The following ACSL3 variants were observed in gnomAD, a reference collection of about 807,000 sequenced individuals.
ACSL3 encodes fatty acid CoA ligase Acsl3.
Under a neutral mutation model 84.7 loss-of-function variants are expected in ACSL3, and 34 were observed. The ratio of observed to expected loss-of-function variants is 0.40; its 90% CI spans 0.31 to 0.53. The LOEUF is 0.53. ACSL3 is among the 20% of genes least tolerant of loss of function. ACSL3 has a pLI of 0.48. For synonymous variants in ACSL3, 315 were observed against 299.4 expected (o/e 1.05, Z -0.54); for missense variants, 680 against 873.1 (o/e 0.78, Z 2.79).
chr2:222,895,473 T>TAGAGCTCTTTCTACTTACTG (rs1574533836), intron 2 of ACSL3, among the ~76,000 whole-genome samples: 1 of 14,736 alleles, frequency 6.8e-5, no homozygotes, highest in Admixed American at 6.8e-4. Context: ...CTTTGTTCTT[T>TAGAGCTCTTTCTACTTACTG]TTTTTTTTTT....
At chr2:222,928,993 T>C in intron 13 of ACSL3, 57 bp downstream of exon 13, 2 of 1,416,324 alleles carry the variant, frequency 1.4e-6, no homozygotes, top group Non-Finnish European at 9.9e-7. Flanking sequence ...ACTTGAAAAT[T>C]AGTGCTTCAC....
intron 2 of ACSL3, among the ~76,000 whole-genome samples, chr2:222,893,799 C>T (rs1003285171): frequency 2.0e-4 from 31 of 151,932 alleles, no homozygotes; most frequent in Non-Finnish European, 4.4e-4. Context: ...CTCTTCTCAC[C>T]TCACAGGGTT....
chr2:222,864,327 C>G (rs1047631531), intron 1 of ACSL3, among the ~76,000 whole-genome samples: 1 of 151,848 alleles, frequency 6.6e-6, no homozygotes, highest in African/African-American at 2.4e-5. Flanking sequence ...TTTTGAAGAC[C>G]TCCATGTAGA....
chr2:222,927,786 T>G (rs978586352), intron 12 of ACSL3, among the ~76,000 whole-genome samples: 1 of 152,232 alleles, frequency 6.6e-6, no homozygotes, highest in Admixed American at 6.5e-5. Flanking sequence ...ACAGCTGTGC[T>G]TCTCCTACTT....
chr2:222,903,940 G>GGTT (rs1696222980), intron 3 of ACSL3, among the ~76,000 whole-genome samples: 1 of 44,466 alleles, frequency 2.2e-5, no homozygotes, highest in Non-Finnish European at 3.7e-5. Flanking sequence ...TCCCTGAATA[G>GGTT]TTAAAAAAAA....
At chr2:222,921,708 T>C (rs547090863) in intron 8 of ACSL3, among the ~76,000 whole-genome samples, 1 of 152,330 alleles carries the variant, frequency 6.6e-6, no homozygotes, top group Admixed American at 6.5e-5. Context: ...TTTGCTGCTG[T>C]AGTTTTTTTT....
At chr2:222,929,417 A>G (rs180879115) in intron 13 of ACSL3, among the ~76,000 whole-genome samples, 52 of 152,254 alleles carry the variant, frequency 3.4e-4, no homozygotes, top group African/African-American at 1.2e-3. Flanking sequence ...TTAAAAATTT[A>G]TTTGATCCTG....
chr2:222,922,598 A>G, intron 8 of ACSL3, 110 bp from the exon 9 acceptor site: 1 of 1,366,820 alleles, frequency 7.3e-7, no homozygotes, highest in South Asian at 1.3e-5. Context: ...TGACCAGCAA[A>G]TTGATGCCCT....
chr2:222,941,603 G>A lies in ACSL3; in HGVS notation c.2112G>A (p.Glu704=). Residue 704 remains glutamate, a synonymous_variant, in exon 17 of 17, where the codon GAG becomes GAA. Coordinates refer to ENST00000357430, the MANE Select transcript of ACSL3 (RefSeq NM_004457.5). ...VTDAFKLKRK[E]LKTHYQADIE... ...ATGCCTTCAAGCTGAAACGCAAAGAGCTTAAAACACATTACCAGGCGGACA... is the reference window on the plus strand; with the variant it reads ...ATGCCTTCAAGCTGAAACGCAAAGAACTTAAAACACATTACCAGGCGGACA... The A allele has an allele frequency of 1.2e-6, 2 of 1,613,458 alleles. No individual in the cohort carries two copies. The highest frequency in any genetic ancestry group is 1.7e-4 in the Middle Eastern group (1 of 6,060).
chr2:222,899,198 A>G (rs1696072356), intron 2 of ACSL3, among the ~76,000 whole-genome samples: 1 of 152,232 alleles, frequency 6.6e-6, no homozygotes, highest in Non-Finnish European at 1.5e-5. Context: ...AGGCCTTTTA[A>G]AACTAGATTG....
At chr2:222,903,385 A>G (rs563457696) in intron 3 of ACSL3, among the ~76,000 whole-genome samples, 43 of 152,158 alleles carry the variant, frequency 2.8e-4, no homozygotes, top group African/African-American at 1.0e-3. Flanking sequence ...CAAGTGATCC[A>G]TTTGTCCTGG....
chr2:222,930,474 T>TAA (rs1176619403), intron 13 of ACSL3, 147 bp from the exon 14 acceptor site: 2 of 578,764 alleles, frequency 3.5e-6, no homozygotes, highest in African/African-American at 3.7e-5. Context: ...GTTAAATTGA[T>TAA]AAACTTTGTT....
intron 16 of ACSL3, among the ~76,000 whole-genome samples, chr2:222,937,932 T>G (rs1207497075): frequency 2.0e-5 from 3 of 152,154 alleles, no homozygotes; most frequent in Admixed American, 6.5e-5. Flanking sequence ...TTTGATTCCC[T>G]TGTCTTTTAT....
intron 2 of ACSL3, among the ~76,000 whole-genome samples, chr2:222,893,708 C>T (rs563299887): frequency 3.4e-4 from 52 of 152,100 alleles, no homozygotes; most frequent in African/African-American, 1.2e-3. Flanking sequence ...CTCTTCTCTT[C>T]TTTTCTCTCC....
intron 1 of ACSL3, among the ~76,000 whole-genome samples, chr2:222,862,647 A>G (rs1480290835): frequency 2.6e-5 from 4 of 152,146 alleles, no homozygotes; most frequent in Non-Finnish European, 5.9e-5. Flanking sequence ...CTTGGGGATG[A>G]GTAAGCCTTC....
rs1003782837 is a variant in ACSL3, at chr2:222,882,736, T to G, written c.-206-5094T>G. Reference sequence around the variant, plus strand: ...AGGAAGGGTGACCATATATCCTGATTTGTCTGGAATACCTCCAGATCACTG... The same window carrying G: ...AGGAAGGGTGACCATATATCCTGATGTGTCTGGAATACCTCCAGATCACTG... On this transcript the variant is annotated intron_variant, in intron 1 of 16. Transcript: ENST00000357430. Among the ~76,000 whole-genome samples, 8 of 150,706 alleles carry G rather than the reference T, an allele frequency of 5.3e-5. No individual in the cohort carries two copies. The East Asian group carries it at 1.6e-3, about 29-fold the overall frequency.
At chr2:222,940,712 G>A (rs983763702) in intron 16 of ACSL3, among the ~76,000 whole-genome samples, 1 of 152,120 alleles carries the variant, frequency 6.6e-6, no homozygotes, top group Non-Finnish European at 1.5e-5. Context: ...CCTAGGAGCC[G>A]TAGGCTAGAT....
In ACSL3 at chr2:222,941,501, T is replaced by A; in HGVS notation, c.2010T>A (p.Ser670Arg). The change falls in exon 17 of 17, where the codon AGT (serine) becomes AGA (arginine). Residue 670 changes from serine to arginine, a missense_variant. Transcript: ENST00000357430. ...CTTTTTTTTTAATCATCTTAGCAAG[T>A]CTGGAAAAGTTTGAAATTCCAGTAA... ...KVLSEAAISA[S>R]LEKFEIPVKI... 6.2e-7 allele frequency: 1 copy of A among 1,602,878 alleles called. No individual in the cohort carries two copies. Among genetic ancestry groups the A allele is most frequent in the Non-Finnish European group, 8.5e-7 (1 of 1,175,570 alleles).
Position 222,942,378 on chromosome 2 carries a change from G to T in ACSL3, c.*724G>T, listed in dbSNP as rs901356941. 1.7e-4 allele frequency: 32 copies of T among 191,716 alleles called. No individual in the cohort carries two copies. The highest frequency in any genetic ancestry group is 1.1e-4 in the Non-Finnish European group (10 of 91,446). The allele number at this position is 191,716 out of a possible 1,614,324, so 11.9% of individuals were successfully genotyped here. ...AGATAACACAGCATGTGTAGCACCA[G>T]TTGATAATTGGTCTCTAGTAGCTTA... On this transcript the variant is annotated 3_prime_UTR_variant, in exon 17 of 17. Transcript: ENST00000357430.
Sources: gnomAD v4.1 joint callset for allele counts (sites outside exome capture counted in the v4.1 genomes callset) on GRCh38, gnomAD v4.1.1 for gene constraint, MANE v1.5 for transcripts, NCBI Gene and HGNC (gene_info 2026-07-23, HGNC 2026-07-21) for gene names.